The following PLCE1 variants were observed in gnomAD, a reference collection of about 807,000 sequenced individuals.
The protein encoded by PLCE1 is phospholipase C epsilon 1.
Under a neutral mutation model 242.8 loss-of-function variants are expected in PLCE1, and 119 were observed. The observed-to-expected ratio is 0.49, with a 90% CI of 0.42 to 0.57. The LOEUF (loss-of-function observed/expected upper bound fraction) is 0.57. Among genes scored for constraint, PLCE1 ranks in the 20% least tolerant of loss-of-function variants. The probability of loss-of-function intolerance (pLI) is 0.00; values close to 1 mark genes in which losing one functional copy is unlikely to be tolerated. For synonymous variants in PLCE1, 945 were observed against 1,017.4 expected (o/e 0.93, Z 1.35); for missense variants, 2,441 against 2,788.8 (o/e 0.88, Z 2.81).
At chr10:94,173,833 A>G (rs141300210) in intron 4 of PLCE1, among the ~76,000 whole-genome samples, 2,204 of 152,292 alleles carry the variant, frequency 0.014, 28 homozygotes, top group South Asian at 0.034. Flanking sequence ...TCAAGCATCT[A>G]TTTTCATACA....
chr10:94,317,375 T>A (rs536239751), intron 29 of PLCE1, among the ~76,000 whole-genome samples: 4 of 152,306 alleles, frequency 2.6e-5, no homozygotes, highest in African/African-American at 7.2e-5. Flanking sequence ...TCATCAGCTA[T>A]GGGTCCAGTA....
At chr10:94,254,346 A>C in intron 10 of PLCE1, 39 bp downstream of exon 10, 1 of 1,383,570 alleles carries the variant, frequency 7.2e-7, no homozygotes, top group Non-Finnish European at 1.0e-6. Context: ...TTTGTTTTTT[A>C]ATTTTTGTGG....
chr10:94,255,147 C>T (rs2051027052), intron 11 of PLCE1, 98 bp downstream of exon 11: 2 of 1,423,394 alleles, frequency 1.4e-6, no homozygotes, highest in Non-Finnish European at 2.0e-6. Context: ...GACTATTTCA[C>T]ATTTTGATGT....
At chr10:94,252,204 C>A in intron 8 of PLCE1, 112 bp from the exon 9 acceptor site, 1 of 894,238 alleles carries the variant, frequency 1.1e-6, no homozygotes, top group Non-Finnish European at 1.9e-6. Flanking sequence ...CATTATTCTT[C>A]TGTGGCCGTC....
chr10:94,256,260 G>A (rs1156867821), intron 11 of PLCE1, among the ~76,000 whole-genome samples: 1 of 148,504 alleles, frequency 6.7e-6, no homozygotes, highest in African/African-American at 2.5e-5. Flanking sequence ...GGAGGTTCCG[G>A]CTGCAGTGAG....
Position 94,234,105 on chromosome 10 carries a change from G to A in PLCE1, c.2007G>A (p.Glu669=), listed in dbSNP as rs769863308. The A allele has an allele frequency of 6.2e-7, 1 of 1,613,934 alleles. No homozygotes were observed. Among genetic ancestry groups the A allele is most frequent in the Admixed American group, 1.7e-5 (1 of 60,018 alleles). Residue 669 remains glutamate (E), a synonymous_variant, in exon 6 of 33, where the codon GAG becomes GAA. Coordinates refer to ENST00000371380, the MANE Select transcript of PLCE1 (RefSeq NM_016341.4). ...AGTTCATGGACCAGTCTGATATTGA[G>A]ACCATGAGGAGCCTGAAGGATGCTA... ...MWQFMDQSDI[E]TMRSLKDAMA... is the part of the protein sequence containing the mutation.
At chr10:94,324,599 A>T in intron 31 of PLCE1, 32 bp downstream of exon 31, 12 of 1,505,916 alleles carry the variant, frequency 8.0e-6, no homozygotes, top group Non-Finnish European at 1.1e-5. Context: ...CTCTGTTCTT[A>T]AGTTATCTGA....
At chr10:94,307,837 G>C (rs997446158) in intron 26 of PLCE1, among the ~76,000 whole-genome samples, 1 of 152,016 alleles carries the variant, frequency 6.6e-6, no homozygotes, top group Non-Finnish European at 1.5e-5. Context: ...CACAAGAATG[G>C]GGAGTATAGG....
At chr10:94,229,545 A>G (rs993536815) in intron 5 of PLCE1, among the ~76,000 whole-genome samples, 2 of 152,342 alleles carry the variant, frequency 1.3e-5, no homozygotes, top group Middle Eastern at 3.4e-3. Flanking sequence ...CAAAGCCACA[A>G]AATCAGGAGA....
chr10:94,055,052 C>A (rs1406309298), intron 2 of PLCE1, among the ~76,000 whole-genome samples: 3 of 148,280 alleles, frequency 2.0e-5, no homozygotes, highest in Non-Finnish European at 4.4e-5. Flanking sequence ...TTCAGTAACA[C>A]AATACAAGGG....
intron 2 of PLCE1, chr10:94,121,135 A>G (rs958728684): frequency 2.6e-5 from 4 of 152,280 alleles, no homozygotes; most frequent in African/African-American, 9.6e-5. Flanking sequence ...TGCATTTATT[A>G]TAGCATAGTG....
intron 4 of PLCE1, among the ~76,000 whole-genome samples, chr10:94,173,585 T>A (rs1289094114): frequency 6.6e-6 from 1 of 152,206 alleles, no homozygotes; most frequent in Non-Finnish European, 1.5e-5. Context: ...GCCAAAACTT[T>A]TAAAATCTAA....
At position 94,268,853 on chromosome 10, in the gene PLCE1, A is replaced by T; in HGVS notation, c.4282-76A>T. On this transcript the variant is annotated intron_variant, in intron 16 of 32. Coordinates refer to ENST00000371380, the MANE Select transcript of PLCE1 (RefSeq NM_016341.4). ...AGTGTAAACACTGCCTGATATGTAG[A>T]ACTACATGCTGGGTTTAGTTCGAGG... 1.1e-5 allele frequency: 9 copies of T among 813,408 alleles called. 1 individual carries two copies. In the South Asian group the frequency reaches 1.2e-4, roughly 11 times the overall value. 50.4% of individuals were successfully genotyped at this position (813,408 alleles called of 1,614,324 possible). A position where few individuals can be genotyped will look rare whatever the true frequency, so the allele number is the denominator to read the frequency against.
At chr10:94,096,157 T>A (rs1004528640) in intron 2 of PLCE1, among the ~76,000 whole-genome samples, 1 of 152,166 alleles carries the variant, frequency 6.6e-6, no homozygotes, top group Non-Finnish European at 1.5e-5. Flanking sequence ...TATGGAATGA[T>A]GTTAAAGATT....
intron 2 of PLCE1, among the ~76,000 whole-genome samples, chr10:94,114,527 T>A (rs1224974165): frequency 6.6e-6 from 1 of 152,212 alleles, no homozygotes; most frequent in Non-Finnish European, 1.5e-5. Context: ...CATGAAGATT[T>A]TTCCAAGATC....
intron 20 of PLCE1, among the ~76,000 whole-genome samples, chr10:94,280,794 A>G (rs2052180252): frequency 6.6e-6 from 1 of 152,242 alleles, no homozygotes; most frequent in South Asian, 2.1e-4. Context: ...GCATTAAGAC[A>G]ACTGAGCCCC....
At chr10:94,099,910 T>C (rs1290420765) in intron 2 of PLCE1, 1 of 152,130 alleles carries the variant, frequency 6.6e-6, no homozygotes, top group Non-Finnish European at 1.5e-5. Context: ...TTAAACTTCC[T>C]ATTTGTCCAG....
Position 94,171,220 on chromosome 10 carries a change from C to T in PLCE1, c.1533C>T (p.Leu511=). 1.2e-6 allele frequency: 2 copies of T among 1,614,210 alleles called. No homozygotes were observed. Among genetic ancestry groups the T allele is most frequent in the Non-Finnish European group, 1.7e-6 (2 of 1,180,032 alleles). The part of the protein sequence containing the change: ...PGPSVANSNA[L]PSSSAGISKE... ...CCTCTGTGGCCAATTCCAATGCCCT[C>T]CCTTCAAGTTCAGCTGGGATCAGCA... The change falls in exon 4 of 33, where the codon CTC becomes CTT. Residue 511 remains leucine (L), a synonymous_variant. Transcript: ENST00000371380.
chr10:94,214,457 C>T (rs1205081537), intron 4 of PLCE1, among the ~76,000 whole-genome samples: 1 of 152,166 alleles, frequency 6.6e-6, no homozygotes, highest in East Asian at 1.9e-4. Context: ...CATATATGTA[C>T]TGGACAGACT....
Sources: allele counts gnomAD v4.1 joint callset (sites outside exome capture counted in the v4.1 genomes callset), GRCh38; gene constraint gnomAD v4.1.1; transcripts MANE v1.5; gene names NCBI Gene and HGNC (gene_info 2026-07-23, HGNC 2026-07-21).